Variants in CHCHD2 observed in about 807,000 individuals in gnomAD.
CHCHD2 encodes the protein coiled-coil-helix-coiled-coil-helix domain containing 2, also known as coiled-coil-helix-coiled-coil-helix domain-containing protein 2.
Under a neutral mutation model 17.5 loss-of-function variants are expected in CHCHD2, and 17 were observed. The ratio of observed to expected loss-of-function variants is 0.97; its 90% CI spans 0.67 to 1.46. CHCHD2 has a LOEUF of 1.46. CHCHD2 is among the 40% of genes most tolerant of loss of function. The pLI is 0.00. For synonymous variants in CHCHD2, 63 were observed against 74.3 expected, an observed-to-expected ratio of 0.85 and a Z score of 0.78; for missense variants, 175 against 199.9, an observed-to-expected ratio of 0.88 and a Z score of 0.75.
At position 56,104,381 on chromosome 7, in the gene CHCHD2, C is replaced by A. The variant is rs1027139624; in HGVS notation, c.145G>T (p.Ala49Ser). The change falls in exon 2 of 4, where the codon GCG becomes TCG. Residue 49 changes from alanine (A) to serine (S), a missense_variant. Ala to Ser is a moderately conservative substitution (Grantham distance 99, BLOSUM62 1). Coordinates refer to ENST00000395422, the MANE Select transcript of CHCHD2 (RefSeq NM_016139.4). Reference sequence around the variant, plus strand: ...GCCATCAGACCTGGCTGCCGGGGCGCAGCAGCAGAAGAGCCAACTGCAGAT... The same window carrying A: ...GCCATCAGACCTGGCTGCCGGGGCGAAGCAGCAGAAGAGCCAACTGCAGAT... The part of the protein sequence containing the change: ...PPSAVGSSAA[A>S]PRQPGLMAQM... The A allele has an allele frequency of 5.0e-6, 8 of 1,612,184 alleles. No homozygotes were observed. The highest frequency in any genetic ancestry group is 3.3e-5 in the Admixed American group (2 of 59,914).
At chr7:56,103,294 A>G (rs1288756437) in intron 2 of CHCHD2, among the ~76,000 whole-genome samples, 2 of 152,186 alleles carry the variant, frequency 1.3e-5, no homozygotes, top group Non-Finnish European at 2.9e-5. Flanking sequence ...AGCCTGGCCA[A>G]TATGGTGAAA....
rs905961350 is a variant in CHCHD2, at chr7:56,106,259, C to T, written c.50+105G>A. ...CCGCCTGGCAGAGGCGAGCCCACGC[C>T]GCAGCCGACCTTAGTTCACCCCCGC... On this transcript the variant is annotated intron_variant, in intron 1 of 3. Coordinates refer to ENST00000395422, the MANE Select transcript of CHCHD2 (RefSeq NM_016139.4). The T allele has an allele frequency of 6.5e-6, 7 of 1,076,290 alleles. No homozygotes were observed. The Admixed American group carries it at 1.9e-4, about 29-fold the overall frequency. 66.7% of individuals were successfully genotyped at this position (1,076,290 alleles called of 1,614,324 possible). A position where few individuals can be genotyped will look rare whatever the true frequency, so the allele number is the denominator to read the frequency against.
chr7:56,104,858 C>T (rs912002204), intron 1 of CHCHD2, among the ~76,000 whole-genome samples: 1 of 152,102 alleles, frequency 6.6e-6, no homozygotes, highest in Non-Finnish European at 1.5e-5. Flanking sequence ...GATCCACCCG[C>T]CTCGGACTCC....
chr7:56,102,553 A>G (rs1323848103), intron 3 of CHCHD2: 1 of 241,310 alleles, frequency 4.1e-6, no homozygotes, highest in Non-Finnish European at 8.2e-6. Flanking sequence ...TTTTTAGTAC[A>G]GATGGGGTTT....
Position 56,106,440 on chromosome 7 carries a change from G to A in CHCHD2, c.-27C>T, listed in dbSNP as rs1785388155. The A allele has an allele frequency of 3.1e-6, 5 of 1,612,088 alleles. No homozygotes were observed. In the African/African-American group the frequency reaches 4.0e-5, roughly 13 times the overall value. On this transcript the variant is annotated 5_prime_UTR_variant, in exon 1 of 4. Coordinates refer to ENST00000395422, the MANE Select transcript of CHCHD2 (RefSeq NM_016139.4). ...CTAGGTAAGCGACGGCTAGGCCTCCGGACGTGGGACAACCACCGAAGAGCT... is the reference window on the plus strand; with the variant it reads ...CTAGGTAAGCGACGGCTAGGCCTCCAGACGTGGGACAACCACCGAAGAGCT...
Position 56,101,780 on chromosome 7 carries a change from A to G in CHCHD2, c.*71T>C. 1 of 1,402,264 alleles carries G rather than the reference A, an allele frequency of 7.1e-7. No individual in the cohort carries two copies. Among genetic ancestry groups the G allele is most frequent in the Non-Finnish European group, 1.0e-6 (1 of 996,950 alleles). 86.9% of individuals were successfully genotyped at this position (1,402,264 alleles called of 1,614,324 possible). A position where few individuals can be genotyped will look rare whatever the true frequency, so the allele number is the denominator to read the frequency against. On this transcript the variant is annotated 3_prime_UTR_variant, in exon 4 of 4. Transcript: ENST00000395422. ...GTTACACTTTATACCCTCACTATCA[A>G]TTCTATTTTTATACTAAATTAACTT...
In CHCHD2 at chr7:56,102,938, G is replaced by A; in HGVS notation, c.374C>T (p.Ala125Val). The A allele has an allele frequency of 7.4e-6, 12 of 1,613,982 alleles. No homozygotes were observed. Among genetic ancestry groups the A allele is most frequent in the Non-Finnish European group, 9.3e-6 (11 of 1,179,908 alleles). Reference protein sequence around the residue: ...LYEIKQFLECAQNQGDIKLCE... With the variant: ...LYEIKQFLECVQNQGDIKLCE... The stretch of plus-strand genomic sequence containing the variant: ...GAGCTTGATGTCACCCTGGTTCTGG[G>A]CACACTCCAGAAACTGTTTGATCTC... The change falls in exon 3 of 4, where the codon GCC becomes GTC. Residue 125 changes from alanine (A) to valine (V), a missense_variant. Coordinates refer to ENST00000395422, the MANE Select transcript of CHCHD2 (RefSeq NM_016139.4).
At chr7:56,101,974 T>C in intron 3 of CHCHD2, 113 bp from the exon 4 acceptor site, 1 of 987,338 alleles carries the variant, frequency 1.0e-6, no homozygotes, top group Non-Finnish European at 1.5e-6. Context: ...GGGTTTTTTG[T>C]TTTTTGTTTT....
At position 56,102,931 on chromosome 7, in the gene CHCHD2, G is replaced by T. The variant is rs1280581802; in HGVS notation, c.381C>A (p.Asn127Lys). Reference sequence around the variant, plus strand: ...CCTCACAGAGCTTGATGTCACCCTGGTTCTGGGCACACTCCAGAAACTGTT... The same window carrying T: ...CCTCACAGAGCTTGATGTCACCCTGTTTCTGGGCACACTCCAGAAACTGTT... The part of the protein sequence containing the change: ...EIKQFLECAQ[N>K]QGDIKLCEGF... The change falls in exon 3 of 4, where the codon AAC becomes AAA. Residue 127 changes from asparagine (N) to lysine (K), a missense_variant. Asn to Lys is a moderately conservative substitution (Grantham distance 94, BLOSUM62 0). Transcript: ENST00000395422. 2 of 1,614,056 alleles carry T rather than the reference G, an allele frequency of 1.2e-6. No homozygotes were observed. Among genetic ancestry groups the T allele is most frequent in the African/African-American group, 1.3e-5 (1 of 75,056 alleles).
In CHCHD2 at chr7:56,103,928, G is replaced by T. The variant is rs1226506937; in HGVS notation, c.300+298C>A. 2.0e-5 allele frequency among the ~76,000 whole-genome samples: 3 copies of T among 152,238 alleles called. No individual in the cohort carries two copies. In the East Asian group the frequency reaches 5.8e-4, roughly 29 times the overall value. On this transcript the variant is annotated intron_variant, in intron 2 of 3. Coordinates refer to ENST00000395422, the MANE Select transcript of CHCHD2 (RefSeq NM_016139.4). Reference sequence around the variant, plus strand: ...GATTTGTTAACTAAGATCAAGACAAGATTAGTAGGAAGTGTCACTGGGATG... The same window carrying T: ...GATTTGTTAACTAAGATCAAGACAATATTAGTAGGAAGTGTCACTGGGATG...
chr7:56,106,282 C>G (rs1243147578), intron 1 of CHCHD2, 82 bp downstream of exon 1: 2 of 1,397,684 alleles, frequency 1.4e-6, no homozygotes, highest in Admixed American at 2.2e-5. Context: ...AGTTCACCCC[C>G]GCCCGCGGCC....
chr7:56,106,322 C>T (rs780265780), intron 1 of CHCHD2, 42 bp downstream of exon 1: 1 of 1,602,920 alleles, frequency 6.2e-7, no homozygotes, highest in African/African-American at 1.3e-5. Context: ...CAGTAGAGTC[C>T]GGACGGCCGC....
Position 56,102,755 on chromosome 7 carries a change from G to T in CHCHD2, c.445+112C>A, listed in dbSNP as rs141409027. 1,625 of 1,167,974 alleles carry T rather than the reference G, an allele frequency of 1.4e-3. 7 individuals are homozygous for T. The East Asian group carries it at 0.018, about 13-fold the overall frequency. 72.4% of individuals were successfully genotyped at this position (1,167,974 alleles called of 1,614,324 possible). A position where few individuals can be genotyped will look rare whatever the true frequency, so the allele number is the denominator to read the frequency against. On this transcript the variant is annotated intron_variant, in intron 3 of 3. Transcript: ENST00000395422. The stretch of plus-strand genomic sequence containing the variant: ...CCAGTTGTTAGGAGTTAATTCTAGA[G>T]AAATTTCAACAAAGTCTTCTCTAAT...
intron 1 of CHCHD2, 130 bp downstream of exon 1, chr7:56,106,234 C>T (rs1205298892): frequency 3.9e-6 from 3 of 763,916 alleles, no homozygotes; most frequent in South Asian, 1.8e-5. Flanking sequence ...CAATCTACCC[C>T]CGCCTGGCAG....
At chr7:56,105,010 A>G (rs1230124760) in intron 1 of CHCHD2, among the ~76,000 whole-genome samples, 1 of 151,468 alleles carries the variant, frequency 6.6e-6, no homozygotes, top group Non-Finnish European at 1.5e-5. Context: ...TCCTGGGTTC[A>G]ACCGATTCTT....
At chr7:56,105,003 T>C (rs1785357311) in intron 1 of CHCHD2, among the ~76,000 whole-genome samples, 2 of 151,668 alleles carry the variant, frequency 1.3e-5, no homozygotes, top group African/African-American at 4.9e-5. Context: ...CTCTGCCTCC[T>C]GGGTTCAACC....
At chr7:56,103,207 T>C (rs774884557) in intron 2 of CHCHD2, among the ~76,000 whole-genome samples, 196 bp from the exon 3 acceptor site, 1 of 152,170 alleles carries the variant, frequency 6.6e-6, no homozygotes, top group African/African-American at 2.4e-5. Flanking sequence ...AGGCCAAACA[T>C]GGTGGCTCAC....
Position 56,106,421 on chromosome 7 carries a change from A to ACGCG in CHCHD2, c.-9_-8insCGCG. ...TCGGCTTCCACGCGGCATCCTAGGT[A>ACGCG]AGCGACGGCTAGGCCTCCGGACGTG... On this transcript the variant is annotated 5_prime_UTR_variant, in exon 1 of 4. Coordinates refer to ENST00000395422, the MANE Select transcript of CHCHD2 (RefSeq NM_016139.4). The ACGCG allele has an allele frequency of 6.2e-7, 1 of 1,613,370 alleles. No homozygotes were observed. The highest frequency in any genetic ancestry group is 1.7e-5 in the Admixed American group (1 of 59,986).
intron 2 of CHCHD2, among the ~76,000 whole-genome samples, chr7:56,103,816 C>T (rs1190638204): frequency 1.3e-5 from 2 of 152,200 alleles, no homozygotes. Context: ...CACACCTATG[C>T]TCATTAGACT....
Sources: gnomAD v4.1 joint callset for allele counts (sites outside exome capture counted in the v4.1 genomes callset) on GRCh38, gnomAD v4.1.1 for gene constraint, MANE v1.5 for transcripts, NCBI Gene and HGNC (gene_info 2026-07-23, HGNC 2026-07-21) for gene names.